Variants in GRB2 observed in about 807,000 individuals in gnomAD.
The protein encoded by GRB2 is growth factor receptor bound protein 2, also known as growth factor receptor-bound protein 2.
GRB2 carries 2 observed loss-of-function variants against 27.4 expected under a neutral mutation model. That is an observed-to-expected ratio of 0.07 (90% CI 0.03 to 0.23). The LOEUF (loss-of-function observed/expected upper bound fraction) is 0.23. Among genes scored for constraint, GRB2 ranks in the 10% least tolerant of loss-of-function variants. The pLI is 1.00. For missense variants in GRB2, 102 were observed against 282.4 expected (o/e 0.36, Z 4.58); for synonymous variants, 94 against 99.6 (o/e 0.94, Z 0.33).
At chr17:75,337,901 C>CTATTATTATTAT (rs71361670) in intron 2 of GRB2, among the ~76,000 whole-genome samples, 5 of 117,388 alleles carry the variant, frequency 4.3e-5, no homozygotes, top group African/African-American at 2.1e-4. Context: ...ACTACTACTA[C>CTATTATTATTAT]TATTATTATT....
intron 2 of GRB2, among the ~76,000 whole-genome samples, chr17:75,337,211 A>G (rs959020753): frequency 2.0e-5 from 3 of 152,226 alleles, no homozygotes; most frequent in African/African-American, 7.2e-5. Flanking sequence ...CACAGGATGA[A>G]CAATGCAGCT....
chr17:75,341,947 C>T (rs1449662723), intron 2 of GRB2, among the ~76,000 whole-genome samples: 1 of 152,166 alleles, frequency 6.6e-6, no homozygotes, highest in Non-Finnish European at 1.5e-5. Flanking sequence ...TGGCCATCAT[C>T]GACTCTCTGC....
intron 3 of GRB2, among the ~76,000 whole-genome samples, chr17:75,330,003 T>C (rs1311028106): frequency 6.6e-6 from 1 of 152,178 alleles, no homozygotes; most frequent in African/African-American, 2.4e-5. Context: ...AGACAGAGTC[T>C]TGCTTTGTTG....
chr17:75,396,987 C>T (rs2079032753), intron 1 of GRB2, among the ~76,000 whole-genome samples: 1 of 152,130 alleles, frequency 6.6e-6, no homozygotes, highest in African/African-American at 2.4e-5. Context: ...GTACAAAAAC[C>T]AAGACAGTTC....
chr17:75,396,370 G>A (rs1179561711), intron 1 of GRB2, among the ~76,000 whole-genome samples: 1 of 151,902 alleles, frequency 6.6e-6, no homozygotes, highest in African/African-American at 2.4e-5. Flanking sequence ...AGCTTCCCAA[G>A]TAGCTGGAAC....
intron 2 of GRB2, chr17:75,338,878 C>A: frequency 1.2e-6 from 1 of 802,692 alleles, no homozygotes; most frequent in Non-Finnish European, 2.2e-6. Flanking sequence ...GTGTGGCAAG[C>A]ATCAACCCCA....
In GRB2 at chr17:75,348,803, G is replaced by C. The variant is rs573182370; in HGVS notation, c.79-16006C>G. Reference sequence around the variant, plus strand: ...TGAACTTCCCACCTCAGTCTCCTGAGTAGCTGGGACTACAGGTGCACGCCG... The same window carrying C: ...TGAACTTCCCACCTCAGTCTCCTGACTAGCTGGGACTACAGGTGCACGCCG... On this transcript the variant is annotated intron_variant, in intron 2 of 5. Transcript: ENST00000316804. Among the ~76,000 whole-genome samples the C allele has an allele frequency of 2.0e-5, 3 of 152,292 alleles. No homozygotes were observed. In the East Asian group the frequency reaches 5.8e-4, roughly 29 times the overall value.
intron 2 of GRB2, among the ~76,000 whole-genome samples, chr17:75,343,084 TG>T (rs945620114): frequency 2.6e-5 from 2 of 77,118 alleles, no homozygotes; most frequent in African/African-American, 4.9e-5. Context: ...TGGGAAGGAG[TG>T]GGGGTGGGTG....
rs1555608338 is a variant in GRB2 at position 75,324,507 on chromosome 17, G to GTCTTTTTTTTTTTTT, written c.299+1390_299+1391insAAAAAAAAAAAAAGA. Among the ~76,000 whole-genome samples the GTCTTTTTTTTTTTTT allele has an allele frequency of 1.0e-3, 37 of 36,696 alleles. 3 individuals are homozygous for GTCTTTTTTTTTTTTT. The highest frequency in any genetic ancestry group is 3.4e-3 in the South Asian group (3 of 878). 24.1% of individuals were successfully genotyped at this position (36,696 alleles called of 152,430 possible). On this transcript the variant is annotated intron_variant, in intron 4 of 5. Transcript: ENST00000316804. Reference sequence around the variant, plus strand: ...TTACAGGTGTGAGCCACCGCACCCAGTTTTTTTTTTTTTTTTTTTTTTTTT... The same window carrying GTCTTTTTTTTTTTTT: ...TTACAGGTGTGAGCCACCGCACCCAGTCTTTTTTTTTTTTTTTTTTTTTTTTTTTTTTTTTTTTTT...
At chr17:75,392,787 G>C (rs1251250177) in intron 2 of GRB2, among the ~76,000 whole-genome samples, 1 of 152,170 alleles carries the variant, frequency 6.6e-6, no homozygotes, top group Non-Finnish European at 1.5e-5. Flanking sequence ...AGTCAATTGG[G>C]TAAACAACAT....
chr17:75,332,445 G>C (rs566443495), intron 3 of GRB2, among the ~76,000 whole-genome samples: 5 of 152,100 alleles, frequency 3.3e-5, no homozygotes, highest in African/African-American at 1.2e-4. Context: ...AACAGAAAAA[G>C]AATTACGGAC....
rs140125997 is a variant in GRB2 at position 75,360,909 on chromosome 17, A to G, written c.79-28112T>C. Among the ~76,000 whole-genome samples the G allele has an allele frequency of 3.9e-5, 6 of 152,130 alleles. No individual in the cohort carries two copies. The East Asian group carries it at 9.7e-4, about 24-fold the overall frequency. ...CAGCTTCTGGAGCAGTCAGGACTAC[A>G]GGCATGTGCTGCCACGCCCAGCTAA... On this transcript the variant is annotated intron_variant, in intron 2 of 5. Transcript: ENST00000316804.
intron 2 of GRB2, among the ~76,000 whole-genome samples, chr17:75,344,728 T>C (rs1488052720): frequency 6.6e-6 from 1 of 152,080 alleles, no homozygotes. Context: ...TAATGACACA[T>C]ATTTAGCAAC....
chr17:75,399,097 A>C (rs2079047113), intron 1 of GRB2, among the ~76,000 whole-genome samples: 1 of 149,464 alleles, frequency 6.7e-6, no homozygotes, highest in Non-Finnish European at 1.5e-5. Context: ...GCCCAGGCTG[A>C]AGTGCAGTGG....
chr17:75,343,364 A>C (rs2078634355), intron 2 of GRB2, among the ~76,000 whole-genome samples: 1 of 152,176 alleles, frequency 6.6e-6, no homozygotes, highest in Non-Finnish European at 1.5e-5. Context: ...CCCACTGACC[A>C]GCAACTAGGC....
intron 2 of GRB2, among the ~76,000 whole-genome samples, chr17:75,392,941 C>G (rs1366849979): frequency 6.6e-6 from 1 of 152,164 alleles, no homozygotes; most frequent in Non-Finnish European, 1.5e-5. Flanking sequence ...AATTGCTCCT[C>G]AAGTTTCTTT....
chr17:75,364,224 A>G (rs1466301172), intron 2 of GRB2, among the ~76,000 whole-genome samples: 2 of 152,084 alleles, frequency 1.3e-5, no homozygotes, highest in African/African-American at 4.8e-5. Flanking sequence ...ACTCAAACCA[A>G]CTGGGCTTAA....
At chr17:75,363,807 C>T (rs1315070710) in intron 2 of GRB2, among the ~76,000 whole-genome samples, 8 of 124,650 alleles carry the variant, frequency 6.4e-5, no homozygotes, top group Admixed American at 1.1e-4. Context: ...TTGCAGCAAG[C>T]GGAGATCGCC....
At chr17:75,372,161 C>G (rs4789178) in intron 2 of GRB2, 99,416 of 152,104 alleles carry the variant, frequency 0.65, 37,879 homozygotes, top group East Asian at 0.91. Flanking sequence ...AAAGAGAAAG[C>G]ACTAGACTCA....
Sources: allele counts gnomAD v4.1 joint callset (sites outside exome capture counted in the v4.1 genomes callset), GRCh38; gene constraint gnomAD v4.1.1; transcripts MANE v1.5; gene names NCBI Gene and HGNC (gene_info 2026-07-23, HGNC 2026-07-21).